Variants in PTPRD observed in about 807,000 individuals in gnomAD.
PTPRD encodes the protein receptor-type tyrosine-protein phosphatase delta.
A neutral mutation model predicts 214.5 loss-of-function variants in PTPRD; 34 were observed. The ratio of observed to expected loss-of-function variants is 0.16; its 90% CI spans 0.12 to 0.21. PTPRD has a LOEUF of 0.21. PTPRD is among the 10% of genes least tolerant of loss of function. The pLI is 1.00. For synonymous variants in PTPRD, 1,128 were observed against 845.7 expected (o/e 1.33, Z -5.79); for missense variants, 2,545 against 2,398.7 (o/e 1.06, Z -1.27).
At chr9:10,533,927 A>G (rs1361313829) in intron 2 of PTPRD, among the ~76,000 whole-genome samples, 2 of 151,556 alleles carry the variant, frequency 1.3e-5, no homozygotes, top group African/African-American at 4.8e-5. Context: ...TTTAATTAAA[A>G]TTGCTCAGTT....
Position 8,507,432 on chromosome 9 carries a change from G to C in PTPRD, c.1546C>G (p.Pro516Ala). The C allele has an allele frequency of 1.2e-6, 2 of 1,613,700 alleles. No homozygotes were observed. The highest frequency in any genetic ancestry group is 1.1e-5 in the South Asian group (1 of 91,068). ...GCTTTGAAGTTTAGTGGCTGCCCTGGTACTAAAAACAGGGAGGCAATGGAT... is the reference window on the plus strand; with the variant it reads ...GCTTTGAAGTTTAGTGGCTGCCCTGCTACTAAAAACAGGGAGGCAATGGAT... ...DIQVITQTGV[P>A]GQPLNFKAEP... The change falls in exon 22 of 46, where the codon CCA (proline) becomes GCA (alanine). Residue 516 changes from proline (P) to alanine (A), a missense_variant and splice_region_variant. Physicochemically the swap from Pro to Ala is conservative, Grantham distance 27. Transcript: ENST00000381196.
intron 21 of PTPRD, among the ~76,000 whole-genome samples, chr9:8,511,427 T>C (rs2097679568): frequency 6.6e-6 from 1 of 151,138 alleles, no homozygotes; most frequent in African/African-American, 2.5e-5. Context: ...GGTTTCTCAC[T>C]GGTATTTTTT....
chr9:9,309,347 A>G (rs1048534177), intron 9 of PTPRD, among the ~76,000 whole-genome samples: 1 of 152,148 alleles, frequency 6.6e-6, no homozygotes, highest in Non-Finnish European at 1.5e-5. Context: ...AACAACAAAA[A>G]AAACAAAGAA....
chr9:10,221,855 G>C (rs1431775114), intron 3 of PTPRD, among the ~76,000 whole-genome samples: 1 of 151,554 alleles, frequency 6.6e-6, no homozygotes, highest in African/African-American at 2.4e-5. Context: ...AGCAAACATT[G>C]AGTAGTAGAC....
chr9:10,204,901 T>C (rs1199779879), intron 3 of PTPRD, among the ~76,000 whole-genome samples: 2 of 152,228 alleles, frequency 1.3e-5, no homozygotes, highest in African/African-American at 4.8e-5. Flanking sequence ...CTAAAATTAT[T>C]ACTTACTAAG....
At chr9:9,493,411 G>A (rs1007638374) in intron 8 of PTPRD, among the ~76,000 whole-genome samples, 7 of 152,142 alleles carry the variant, frequency 4.6e-5, no homozygotes, top group African/African-American at 7.2e-5. Flanking sequence ...TATGAATGTT[G>A]TTTTCATGGC....
intron 2 of PTPRD, among the ~76,000 whole-genome samples, chr9:10,570,701 A>G (rs1402630443): frequency 6.6e-6 from 1 of 152,108 alleles, no homozygotes; most frequent in Non-Finnish European, 1.5e-5. Context: ...CCTTTGCCTG[A>G]AAATTTACAA....
chr9:10,516,714 T>C (rs2050233959), intron 2 of PTPRD, among the ~76,000 whole-genome samples: 1 of 152,032 alleles, frequency 6.6e-6, no homozygotes, highest in Non-Finnish European at 1.5e-5. Flanking sequence ...AAGTCTCATG[T>C]TCAACCCTTT....
chr9:10,557,776 T>C (rs1431037551), intron 2 of PTPRD, among the ~76,000 whole-genome samples: 8 of 152,194 alleles, frequency 5.3e-5, no homozygotes, highest in Non-Finnish European at 1.2e-4. Context: ...AAGGAGGTCA[T>C]TTCCAAAGAG....
intron 3 of PTPRD, among the ~76,000 whole-genome samples, chr9:10,097,879 T>A (rs1418229077): frequency 5.3e-5 from 8 of 151,660 alleles, no homozygotes; most frequent in Admixed American, 5.3e-4. Flanking sequence ...GTAGGAACAC[T>A]TTCACACTGT....
At chr9:8,478,874 A>T (rs1210927530) in intron 30 of PTPRD, among the ~76,000 whole-genome samples, 1 of 152,226 alleles carries the variant, frequency 6.6e-6, no homozygotes, top group African/African-American at 2.4e-5. Flanking sequence ...GTAGGGGCCA[A>T]GACCTCCTCA....
chr9:9,371,379 G>T (rs1395465954), intron 9 of PTPRD, among the ~76,000 whole-genome samples: 1 of 152,150 alleles, frequency 6.6e-6, no homozygotes, highest in East Asian at 1.9e-4. Flanking sequence ...ATTTCTTCTA[G>T]ATTTTCTAGT....
At chr9:9,471,163 C>A (rs1208658494) in intron 8 of PTPRD, among the ~76,000 whole-genome samples, 1 of 152,122 alleles carries the variant, frequency 6.6e-6, no homozygotes, top group Non-Finnish European at 1.5e-5. Flanking sequence ...AATAATGTAT[C>A]ATTTTCCCAG....
intron 12 of PTPRD, among the ~76,000 whole-genome samples, chr9:8,656,954 T>A (rs1217317858): frequency 6.6e-6 from 1 of 152,128 alleles, no homozygotes; most frequent in South Asian, 2.1e-4. Flanking sequence ...ACATTACCAA[T>A]AGTAAGTTGT....
intron 21 of PTPRD, among the ~76,000 whole-genome samples, chr9:8,514,090 C>T (rs1033441885): frequency 4.6e-5 from 7 of 152,206 alleles, no homozygotes; most frequent in African/African-American, 7.2e-5. Context: ...CCCCAGCTCA[C>T]AGTAACTCAG....
At chr9:9,916,900 TAAC>T (rs2080998052) in intron 5 of PTPRD, among the ~76,000 whole-genome samples, 2 of 151,776 alleles carry the variant, frequency 1.3e-5, no homozygotes, top group Admixed American at 6.6e-5. Context: ...AATAAAATGA[TAAC>T]AAGAGGAACA....
intron 2 of PTPRD, among the ~76,000 whole-genome samples, chr9:10,406,706 C>G (rs1427332563): frequency 6.6e-6 from 1 of 151,518 alleles, no homozygotes; most frequent in African/African-American, 2.4e-5. Flanking sequence ...TCAATTTTCT[C>G]TAAAGGTGGT....
At chr9:10,048,942 G>A (rs142067492) in intron 3 of PTPRD, among the ~76,000 whole-genome samples, 1 of 152,202 alleles carries the variant, frequency 6.6e-6, no homozygotes, top group East Asian at 1.9e-4. Flanking sequence ...AGGATGCCTG[G>A]AATTATAAGG....
At chr9:9,551,676 C>A (rs1342588342) in intron 8 of PTPRD, among the ~76,000 whole-genome samples, 3 of 151,898 alleles carry the variant, frequency 2.0e-5, no homozygotes, top group Non-Finnish European at 4.4e-5. Flanking sequence ...TTGGACTTTC[C>A]ATTTTAATGG....
Sources: allele counts gnomAD v4.1 joint callset (sites outside exome capture counted in the v4.1 genomes callset), GRCh38; gene constraint gnomAD v4.1.1; transcripts MANE v1.5; gene names NCBI Gene and HGNC (gene_info 2026-07-23, HGNC 2026-07-21).